The following DCC variants were observed in gnomAD, a reference collection of about 807,000 sequenced individuals.
DCC encodes DCC netrin 1 receptor.
DCC carries 58 observed loss-of-function variants against 172.5 expected under a neutral mutation model. That is an observed-to-expected ratio of 0.34 (90% CI 0.27 to 0.42). DCC has a LOEUF of 0.42. Among genes scored for constraint, DCC ranks in the 10% least tolerant of loss-of-function variants. The pLI, the probability that DCC is intolerant of heterozygous loss-of-function variation, is 1.00. For missense variants in DCC, 1,740 were observed against 1,791.0 expected, an observed-to-expected ratio of 0.97 and a Z score of 0.51; for synonymous variants, 709 against 644.5, an observed-to-expected ratio of 1.10 and a Z score of -1.52.
At chr18:52,387,629 T>TCCTC in intron 1 of DCC, among the ~76,000 whole-genome samples, 6 of 149,160 alleles carry the variant, frequency 4.0e-5, no homozygotes, top group African/African-American at 1.5e-4. Flanking sequence ...CTTCCTTCCT[T>TCCTC]CCTTCTGTCC....
chr18:53,098,633 A>C (rs1257970060), intron 7 of DCC, among the ~76,000 whole-genome samples: 8 of 152,140 alleles, frequency 5.3e-5, no homozygotes. Context: ...TTGTCCCATG[A>C]TTGATGGTGA....
At chr18:52,524,886 T>A (rs2031932935) in intron 1 of DCC, among the ~76,000 whole-genome samples, 1 of 148,286 alleles carries the variant, frequency 6.7e-6, no homozygotes, top group African/African-American at 2.5e-5. Context: ...TTTTAGGTTT[T>A]TAGATTTTTT....
At chr18:52,400,990 G>A (rs1359370905) in intron 1 of DCC, among the ~76,000 whole-genome samples, 22 of 152,038 alleles carry the variant, frequency 1.4e-4, no homozygotes, top group Non-Finnish European at 4.4e-5. Flanking sequence ...AATACCTAAT[G>A]TAGATGATGA....
At chr18:53,347,162 C>T (rs142992952) in intron 15 of DCC, among the ~76,000 whole-genome samples, 121 of 152,268 alleles carry the variant, frequency 7.9e-4, no homozygotes, top group African/African-American at 2.8e-3. Flanking sequence ...TCTTCTGGCA[C>T]AAAGTGGTGA....
chr18:52,452,753 G>C (rs139824096), intron 1 of DCC, among the ~76,000 whole-genome samples: 2 of 152,196 alleles, frequency 1.3e-5, no homozygotes, highest in Non-Finnish European at 2.9e-5. Context: ...TAAAGGCATA[G>C]AATGAATTAA....
In DCC at chr18:52,497,293, A is replaced by ATG. The variant is rs1243000368; in HGVS notation, c.91+156416_91+156417insGT. On this transcript the variant is annotated intron_variant, in intron 1 of 28. Coordinates refer to ENST00000442544, the MANE Select transcript of DCC (RefSeq NM_005215.4). Reference sequence around the variant, plus strand: ...AAAAAAAAAAAAAATATATATATATATATATATATATATATATATATACAC... The same window carrying ATG: ...AAAAAAAAAAAAAATATATATATATATGTATATATATATATATATATATACAC... Among the ~76,000 whole-genome samples the ATG allele has an allele frequency of 1.3e-3, 39 of 29,922 alleles. 5 individuals are homozygous for ATG. Among genetic ancestry groups the ATG allele is most frequent in the African/African-American group, 2.8e-3 (33 of 11,782 alleles). 19.6% of individuals were successfully genotyped at this position (29,922 alleles called of 152,430 possible). A position where few individuals can be genotyped will look rare whatever the true frequency, so the allele number is the denominator to read the frequency against.
At chr18:53,090,106 G>T (rs748929224) in intron 7 of DCC, among the ~76,000 whole-genome samples, 1 of 152,094 alleles carries the variant, frequency 6.6e-6, no homozygotes, top group Non-Finnish European at 1.5e-5. Context: ...AAAATTTTAG[G>T]AAAGTTATTT....
chr18:52,575,341 G>A (rs1457052350), intron 1 of DCC, among the ~76,000 whole-genome samples: 1 of 152,186 alleles, frequency 6.6e-6, no homozygotes, highest in African/African-American at 2.4e-5. Context: ...GTGATACTGA[G>A]AAGAAGTGCT....
At chr18:53,364,618 G>A (rs1397063264) in intron 15 of DCC, among the ~76,000 whole-genome samples, 1 of 152,006 alleles carries the variant, frequency 6.6e-6, no homozygotes, top group Non-Finnish European at 1.5e-5. Flanking sequence ...TGGGTAAATG[G>A]GGATGGTGAC....
intron 7 of DCC, among the ~76,000 whole-genome samples, chr18:53,072,712 A>G (rs1463816564): frequency 4.6e-5 from 7 of 152,222 alleles, no homozygotes; most frequent in Admixed American, 4.6e-4. Context: ...ACAAGAATAA[A>G]TGCTATTATA....
intron 1 of DCC, among the ~76,000 whole-genome samples, chr18:52,569,531 C>G (rs992104401): frequency 3.3e-5 from 5 of 152,174 alleles, no homozygotes; most frequent in African/African-American, 1.2e-4. Flanking sequence ...ATTACATACT[C>G]TATACTCCTA....
At chr18:52,367,975 T>A (rs1984953880) in intron 1 of DCC, among the ~76,000 whole-genome samples, 1 of 152,216 alleles carries the variant, frequency 6.6e-6, no homozygotes, top group Non-Finnish European at 1.5e-5. Flanking sequence ...GTCCAGATAG[T>A]GACATCTGTG....
intron 15 of DCC, among the ~76,000 whole-genome samples, chr18:53,354,755 T>C (rs2057857398): frequency 6.8e-6 from 1 of 147,480 alleles, no homozygotes; most frequent in African/African-American, 2.6e-5. Flanking sequence ...AGAAGCTCTT[T>C]AGTTTAATTA....
chr18:53,154,179 A>T (rs2054690863), intron 7 of DCC, among the ~76,000 whole-genome samples: 1 of 152,126 alleles, frequency 6.6e-6, no homozygotes, highest in Non-Finnish European at 1.5e-5. Context: ...AATAACTCTG[A>T]GGCATGTCCT....
chr18:52,379,655 G>T (rs886944185), intron 1 of DCC, among the ~76,000 whole-genome samples: 1 of 152,160 alleles, frequency 6.6e-6, no homozygotes, highest in Non-Finnish European at 1.5e-5. Flanking sequence ...TCCACTGCTT[G>T]CAGTGTAGGG....
intron 22 of DCC, among the ~76,000 whole-genome samples, chr18:53,446,071 G>C (rs1235488912): frequency 5.3e-5 from 6 of 113,102 alleles, no homozygotes; most frequent in Admixed American, 3.0e-4. Context: ...AGACCAGCCT[G>C]GGCAACATAA....
intron 14 of DCC, among the ~76,000 whole-genome samples, chr18:53,327,307 TAAAA>T (rs200403695): frequency 1.4e-5 from 2 of 147,678 alleles, no homozygotes; most frequent in African/African-American, 2.5e-5. Flanking sequence ...AATTTCAGCT[TAAAA>T]AAAAAAGCAA....
chr18:52,498,926 G>T lies in DCC; in HGVS notation c.91+158048G>T, dbSNP rs1199120568. ...AGGACCTTATCTCCTGTTACCTTGA[G>T]AATTAGGGCTTTAATATGTGAACTG... On this transcript the variant is annotated intron_variant, in intron 1 of 28. Transcript: ENST00000442544. Among the ~76,000 whole-genome samples the T allele has an allele frequency of 4.6e-5, 7 of 152,210 alleles. 1 individual carries two copies. The highest frequency in any genetic ancestry group is 4.6e-4 in the Admixed American group (7 of 15,286).
intron 2 of DCC, among the ~76,000 whole-genome samples, chr18:52,880,715 G>C (rs1338062781): frequency 2.0e-5 from 3 of 152,114 alleles, no homozygotes; most frequent in African/African-American, 7.2e-5. Flanking sequence ...TGGCTGAATA[G>C]TACTCCATTA....
Sources: allele counts gnomAD v4.1 joint callset (sites outside exome capture counted in the v4.1 genomes callset), GRCh38; gene constraint gnomAD v4.1.1; transcripts MANE v1.5; gene names NCBI Gene and HGNC (gene_info 2026-07-23, HGNC 2026-07-21).